The following SPIDR variants were observed in gnomAD, a reference collection of about 807,000 sequenced individuals.
SPIDR encodes the protein scaffold protein involved in DNA repair, also known as DNA repair-scaffolding protein.
Under a neutral mutation model 104.6 loss-of-function variants are expected in SPIDR, and 93 were observed. That is an observed-to-expected ratio of 0.89 (90% CI 0.75 to 1.06). The LOEUF (loss-of-function observed/expected upper bound fraction) is 1.06, where lower values mean the gene tolerates loss of function less well. Among genes scored for constraint, SPIDR ranks in the 50% least tolerant of loss-of-function variants. The probability of loss-of-function intolerance (pLI) is 0.00; values close to 1 mark genes in which losing one functional copy is unlikely to be tolerated. For synonymous variants in SPIDR, 431 were observed against 416.9 expected (o/e 1.03, Z -0.41); for missense variants, 1,154 against 1,111.2 (o/e 1.04, Z -0.55).
At chr8:47,264,855 G>A (rs1255683930) in intron 1 of SPIDR, among the ~76,000 whole-genome samples, 1 of 152,050 alleles carries the variant, frequency 6.6e-6, no homozygotes, top group East Asian at 1.9e-4. Flanking sequence ...GATATACCGA[G>A]CATATAAACA....
At chr8:47,509,440 C>G (rs2081991780) in intron 8 of SPIDR, among the ~76,000 whole-genome samples, 1 of 152,160 alleles carries the variant, frequency 6.6e-6, no homozygotes, top group African/African-American at 2.4e-5. Flanking sequence ...ATTCTAGTTT[C>G]TATTACAGGG....
intron 10 of SPIDR, among the ~76,000 whole-genome samples, chr8:47,664,743 C>CAAAAAAA (rs771963348): frequency 1.9e-4 from 12 of 63,510 alleles, no homozygotes; most frequent in African/African-American, 7.5e-4. Context: ...CCCATCTCTA[C>CAAAAAAA]AAAAAAAAAA....
At chr8:47,348,620 A>G (rs1554620029) in intron 5 of SPIDR, among the ~76,000 whole-genome samples, 1 of 152,186 alleles carries the variant, frequency 6.6e-6, no homozygotes, top group Non-Finnish European at 1.5e-5. Flanking sequence ...GTGTTTTCAC[A>G]TAGTCTCATA....
rs587616110 is a variant in SPIDR, at chr8:47,302,801, T to C, written c.525+8771T>C. On this transcript the variant is annotated intron_variant, in intron 5 of 19. Coordinates refer to ENST00000297423, the MANE Select transcript of SPIDR (RefSeq NM_001080394.4). The stretch of plus-strand genomic sequence containing the variant: ...AAATGTTGCTGCCTGATCATTCCTC[T>C]GGAAGTTTTTGTCTCAGAGGAGTAC... Among the ~76,000 whole-genome samples the C allele has an allele frequency of 2.0e-5, 3 of 152,308 alleles. No homozygotes were observed. In the Middle Eastern group the frequency reaches 0.01, roughly 518 times the overall value.
chr8:47,328,347 C>T (rs1261242572), intron 5 of SPIDR, among the ~76,000 whole-genome samples: 3 of 151,630 alleles, frequency 2.0e-5, no homozygotes, highest in African/African-American at 7.3e-5. Context: ...CAGCCTTGAA[C>T]CTCTGGGCCC....
At chr8:47,490,904 T>C (rs1015840800) in intron 8 of SPIDR, among the ~76,000 whole-genome samples, 4 of 152,092 alleles carry the variant, frequency 2.6e-5, no homozygotes, top group Non-Finnish European at 5.9e-5. Context: ...TAAATGACGG[T>C]GAATGGGTGC....
At chr8:47,703,087 TG>T (rs965342912) in intron 14 of SPIDR, among the ~76,000 whole-genome samples, 2 of 152,218 alleles carry the variant, frequency 1.3e-5, no homozygotes, top group Non-Finnish European at 2.9e-5. Context: ...CTTTTCTTTT[TG>T]TTGCTGAAGT....
chr8:47,466,920 GATAGA>G (rs2074941734), intron 8 of SPIDR, among the ~76,000 whole-genome samples: 1 of 101,536 alleles, frequency 9.8e-6, no homozygotes, highest in African/African-American at 4.0e-5. Context: ...TATATAGATA[GATAGA>G]TAGATAGATA....
intron 7 of SPIDR, among the ~76,000 whole-genome samples, chr8:47,438,007 A>G (rs2068687155): frequency 6.6e-6 from 1 of 152,238 alleles, no homozygotes; most frequent in Non-Finnish European, 1.5e-5. Context: ...CTATTTATGT[A>G]TTTCTGTAAT....
chr8:47,491,705 T>C (rs2078742466), intron 8 of SPIDR, among the ~76,000 whole-genome samples: 4 of 151,986 alleles, frequency 2.6e-5, no homozygotes, highest in Non-Finnish European at 4.4e-5. Context: ...CAGTATTAGC[T>C]TGGCATGGTG....
At chr8:47,399,466 C>T (rs1554660917) in intron 6 of SPIDR, among the ~76,000 whole-genome samples, 7 of 152,184 alleles carry the variant, frequency 4.6e-5, no homozygotes, top group African/African-American at 1.7e-4. Context: ...ATAGGGCAGT[C>T]CTTCATTAGC....
intron 8 of SPIDR, among the ~76,000 whole-genome samples, chr8:47,552,212 A>T (rs1339741856): frequency 6.6e-6 from 1 of 152,200 alleles, no homozygotes; most frequent in Non-Finnish European, 1.5e-5. Flanking sequence ...ATTTTGGAAT[A>T]AGTGCGATGT....
intron 1 of SPIDR, among the ~76,000 whole-genome samples, chr8:47,278,619 T>G (rs1321984107): frequency 6.6e-6 from 1 of 151,852 alleles, no homozygotes; most frequent in Non-Finnish European, 1.5e-5. Context: ...CCTCATCTCT[T>G]TTTTTTTGAG....
intron 9 of SPIDR, among the ~76,000 whole-genome samples, chr8:47,597,220 A>T (rs2061720111): frequency 6.6e-6 from 1 of 152,114 alleles, no homozygotes; most frequent in Non-Finnish European, 1.5e-5. Flanking sequence ...GCAACACACT[A>T]CCTTTTTTTT....
intron 11 of SPIDR, among the ~76,000 whole-genome samples, chr8:47,694,741 T>TCG (rs1178359619): frequency 2.0e-5 from 3 of 151,988 alleles, no homozygotes; most frequent in Non-Finnish European, 4.4e-5. Flanking sequence ...AGAGCAAGAC[T>TCG]CTATCTCCAA....
At chr8:47,582,863 CACACACAT>C (rs1172380618) in intron 8 of SPIDR, among the ~76,000 whole-genome samples, 128 of 133,830 alleles carry the variant, frequency 9.6e-4, no homozygotes, top group Admixed American at 1.3e-3. Context: ...CACACACACA[CACACACAT>C]ATTTTTAAAA....
intron 10 of SPIDR, among the ~76,000 whole-genome samples, chr8:47,609,761 G>C (rs957282649): frequency 2.0e-5 from 3 of 152,074 alleles, no homozygotes; most frequent in Admixed American, 6.5e-5. Flanking sequence ...ATACCAACCT[G>C]TATCATTTGA....
At chr8:47,615,530 T>A (rs2064182677) in intron 10 of SPIDR, among the ~76,000 whole-genome samples, 1 of 144,852 alleles carries the variant, frequency 6.9e-6, no homozygotes, top group African/African-American at 2.6e-5. Flanking sequence ...TGGAATACAG[T>A]GGCACTATCT....
chr8:47,503,086 T>C (rs1315162223), intron 8 of SPIDR, among the ~76,000 whole-genome samples: 1 of 152,142 alleles, frequency 6.6e-6, no homozygotes, highest in Non-Finnish European at 1.5e-5. Flanking sequence ...ATAGGTGTGT[T>C]GTGGTGCTGA....
Sources: allele counts gnomAD v4.1 joint callset (sites outside exome capture counted in the v4.1 genomes callset), GRCh38; gene constraint gnomAD v4.1.1; transcripts MANE v1.5; gene names NCBI Gene and HGNC (gene_info 2026-07-23, HGNC 2026-07-21).